The following PAK2 variants were observed in gnomAD, a reference collection of about 807,000 sequenced individuals.
PAK2 encodes p21 (RAC1) activated kinase 2.
Under a neutral mutation model 65.9 loss-of-function variants are expected in PAK2, and 21 were observed. The ratio of observed to expected loss-of-function variants is 0.32; its 90% confidence interval spans 0.23 to 0.46. The LOEUF is 0.46. Among genes scored for constraint, PAK2 ranks in the 20% least tolerant of loss-of-function variants. The pLI, the probability that PAK2 is intolerant of heterozygous loss-of-function variation, is 1.00. For missense variants in PAK2, 324 were observed against 642.6 expected, an observed-to-expected ratio of 0.50 and a Z score of 5.36; for synonymous variants, 204 against 219.7, an observed-to-expected ratio of 0.93 and a Z score of 0.63.
At chr3:196,755,210 C>T (rs1713728807) in intron 1 of PAK2, among the ~76,000 whole-genome samples, 1 of 152,178 alleles carries the variant, frequency 6.6e-6, no homozygotes, top group African/African-American at 2.4e-5. Flanking sequence ...TAAGTAGTAA[C>T]ATCAGTCTTG....
intron 5 of PAK2, 28 bp downstream of exon 5, chr3:196,805,411 C>G (rs1715554837): frequency 8.8e-7 from 1 of 1,142,228 alleles, no homozygotes; most frequent in African/African-American, 1.6e-5. Context: ...TTTCTTGTAT[C>G]TCTTGTTCTA....
At chr3:196,806,052 C>T (rs1715575021) in intron 5 of PAK2, among the ~76,000 whole-genome samples, 1 of 151,962 alleles carries the variant, frequency 6.6e-6, no homozygotes, top group African/African-American at 2.4e-5. Context: ...GCTGGGACTA[C>T]AGGCGCCTGC....
Position 196,828,183 on chromosome 3 carries a change from T to C in PAK2, c.1489-136T>C, listed in dbSNP as rs188411417. 2.5e-4 allele frequency: 158 copies of C among 632,926 alleles called. 1 individual carries two copies. The African/African-American group carries it at 2.5e-3, about 10-fold the overall frequency. The allele number at this position is 632,926 out of a possible 1,614,324, so 39.2% of individuals were successfully genotyped here. A position where few individuals can be genotyped will look rare whatever the true frequency, so the allele number is the denominator to read the frequency against. On this transcript the variant is annotated intron_variant, in intron 14 of 14. Transcript: ENST00000327134. Reference sequence around the variant, plus strand: ...TAATGCGTTGATTATGTTAGTCTTATGAAGGTATTAATATGTGTTTAGTTT... The same window carrying C: ...TAATGCGTTGATTATGTTAGTCTTACGAAGGTATTAATATGTGTTTAGTTT...
chr3:196,803,826 T>C (rs1225462917), intron 4 of PAK2, among the ~76,000 whole-genome samples: 1 of 152,214 alleles, frequency 6.6e-6, no homozygotes, highest in African/African-American at 2.4e-5. Flanking sequence ...GTATCTGAGA[T>C]ATACCGTTAA....
intron 1 of PAK2, among the ~76,000 whole-genome samples, chr3:196,748,706 A>G (rs1011016676): frequency 6.6e-6 from 1 of 152,156 alleles, no homozygotes; most frequent in South Asian, 2.1e-4. Context: ...CTGGATGTAC[A>G]TTCACCTATT....
At chr3:196,796,261 A>G (rs535068318) in intron 2 of PAK2, among the ~76,000 whole-genome samples, 1 of 152,340 alleles carries the variant, frequency 6.6e-6, no homozygotes, top group African/African-American at 2.4e-5. Context: ...TTTTAAGAAA[A>G]CAAAGCACTG....
At chr3:196,775,572 G>A (rs545769478) in intron 1 of PAK2, among the ~76,000 whole-genome samples, 3 of 151,894 alleles carry the variant, frequency 2.0e-5, no homozygotes, top group Admixed American at 1.3e-4. Context: ...TAGTAGAGAC[G>A]GGGTTTCACC....
intron 2 of PAK2, among the ~76,000 whole-genome samples, chr3:196,799,820 G>A (rs915925293): frequency 3.9e-5 from 6 of 152,108 alleles, no homozygotes; most frequent in Admixed American, 6.6e-5. Flanking sequence ...TGCCATGTTG[G>A]CCAGATGGGT....
intron 8 of PAK2, among the ~76,000 whole-genome samples, chr3:196,811,218 TCCC>T (rs1560113573): frequency 0.23 from 2,784 of 12,010 alleles, 607 homozygotes; most frequent in East Asian, 0.84. Context: ...TTCCCTTCCC[TCCC>T]TCCCTTCCCT....
chr3:196,766,175 A>G (rs1714160428), intron 1 of PAK2, among the ~76,000 whole-genome samples: 1 of 152,104 alleles, frequency 6.6e-6, no homozygotes, highest in South Asian at 2.1e-4. Flanking sequence ...GATTACAGAC[A>G]TGAGCCACCA....
chr3:196,775,739 T>C (rs1041095166), intron 1 of PAK2, among the ~76,000 whole-genome samples: 2 of 152,180 alleles, frequency 1.3e-5, no homozygotes, highest in African/African-American at 4.8e-5. Flanking sequence ...TTGCTTAGAA[T>C]TTAGCATTGC....
intron 2 of PAK2, among the ~76,000 whole-genome samples, chr3:196,786,317 C>T (rs780319699): frequency 5.3e-5 from 8 of 151,958 alleles, no homozygotes; most frequent in Non-Finnish European, 7.4e-5. Context: ...CGCCTGCCAC[C>T]GCGCCCGGCT....
intron 1 of PAK2, among the ~76,000 whole-genome samples, chr3:196,754,988 A>G (rs1713721916): frequency 6.6e-6 from 1 of 152,178 alleles, no homozygotes; most frequent in Non-Finnish European, 1.5e-5. Flanking sequence ...TTTTAGGCAG[A>G]TGATTGAACT....
At chr3:196,742,095 ATT>A (rs1221584587) in intron 1 of PAK2, among the ~76,000 whole-genome samples, 2 of 108,458 alleles carry the variant, frequency 1.8e-5, no homozygotes, top group Admixed American at 9.9e-5. Flanking sequence ...AACAATTAAT[ATT>A]TCTTTTTTTT....
chr3:196,772,621 G>A (rs145448295), intron 1 of PAK2, among the ~76,000 whole-genome samples: 21 of 152,188 alleles, frequency 1.4e-4, no homozygotes, highest in Middle Eastern at 6.8e-3. Flanking sequence ...CATTGTCACC[G>A]TCACCACATG....
intron 1 of PAK2, among the ~76,000 whole-genome samples, chr3:196,776,236 TA>T (rs1360559318): frequency 6.6e-6 from 1 of 152,328 alleles, no homozygotes; most frequent in African/African-American, 2.4e-5. Context: ...GTGCTTGCAG[TA>T]AAGTGCCAGT....
chr3:196,774,639 G>A (rs1182857840), intron 1 of PAK2, among the ~76,000 whole-genome samples: 1 of 152,188 alleles, frequency 6.6e-6, no homozygotes, highest in African/African-American at 2.4e-5. Context: ...GTGCAGTCAC[G>A]TGAGATGAAA....
At chr3:196,751,044 A>G (rs527443485) in intron 1 of PAK2, among the ~76,000 whole-genome samples, 17 of 151,802 alleles carry the variant, frequency 1.1e-4, no homozygotes, top group African/African-American at 3.6e-4. Context: ...CTCATTCCCT[A>G]CCTCCAGCCC....
chr3:196,773,069 C>T (rs934576630), intron 1 of PAK2, among the ~76,000 whole-genome samples: 2 of 152,128 alleles, frequency 1.3e-5, no homozygotes, highest in African/African-American at 2.4e-5. Context: ...GTATATTTAG[C>T]CACCCCTAGT....
Sources: gnomAD v4.1 joint callset for allele counts (sites outside exome capture counted in the v4.1 genomes callset) on GRCh38, gnomAD v4.1.1 for gene constraint, MANE v1.5 for transcripts, NCBI Gene and HGNC (gene_info 2026-07-23, HGNC 2026-07-21) for gene names.